Variants in MUC7 observed in about 807,000 individuals in gnomAD.
MUC7 encodes the protein mucin-7.
A neutral mutation model predicts 2.5 loss-of-function variants in MUC7; 2 were observed. The observed-to-expected ratio is 0.81, with a 90% CI of 0.33 to 2.55. MUC7 has a LOEUF of 2.55. Ranked by LOEUF, MUC7 falls within the 30% of genes most tolerant of loss-of-function variation. MUC7 has a pLI of 0.11. For missense variants in MUC7, 408 were observed against 455.6 expected (o/e 0.90, Z 0.95); for synonymous variants, 133 against 173.4 (o/e 0.77, Z 1.83).
intron 1 of MUC7, among the ~76,000 whole-genome samples, chr4:70,434,705 A>AC (rs1733780955): frequency 1.3e-5 from 2 of 151,690 alleles, no homozygotes. Context: ...TTGTGTCTCT[A>AC]CCCCCTTCAG....
chr4:70,443,716 C>T (rs1382509784), intron 1 of MUC7, among the ~76,000 whole-genome samples: 1 of 151,982 alleles, frequency 6.6e-6, no homozygotes, highest in Non-Finnish European at 1.5e-5. Flanking sequence ...ACAACCTACC[C>T]ACTCAAAAAC....
At chr4:70,449,080 T>A (rs912828392) in intron 1 of MUC7, among the ~76,000 whole-genome samples, 7 of 152,148 alleles carry the variant, frequency 4.6e-5, no homozygotes, top group Non-Finnish European at 1.0e-4. Flanking sequence ...TTCTTGTGAG[T>A]CTTTGTCTGG....
chr4:70,482,910 A>AT lies in MUC7; in HGVS notation c.*1037dup. 6.6e-6 allele frequency: 1 copy of AT among 152,384 alleles called. No homozygotes were observed. The allele number at this position is 152,384 out of a possible 1,614,324, so 9.4% of individuals were successfully genotyped here. On this transcript the variant is annotated 3_prime_UTR_variant, in exon 3 of 3. Transcript: ENST00000304887. The stretch of plus-strand genomic sequence containing the variant: ...AGATGTTAATTTGGGATATGGAGGC[A>AT]TTTTTATCTTCTGTCACTACTACTT...
intron 2 of MUC7, among the ~76,000 whole-genome samples, chr4:70,480,523 A>G (rs1735133229): frequency 1.3e-5 from 2 of 152,226 alleles, no homozygotes; most frequent in African/African-American, 4.8e-5. Context: ...TGTAAGCACA[A>G]AAGTTCGTAT....
rs1037415689 is a variant in MUC7, at chr4:70,481,447, A to T, written c.703A>T (p.Thr235Ser). The change falls in exon 3 of 3, where the codon ACA becomes TCA. Residue 235 changes from threonine to serine, a missense_variant. Thr to Ser is a moderately conservative substitution (Grantham distance 58). This residue lies in a region of MUC7 where 175 missense variants were observed against 187.1 expected (regional missense o/e 0.94). Coordinates refer to ENST00000304887, the MANE Select transcript of MUC7 (RefSeq NM_152291.3). The stretch of plus-strand genomic sequence containing the variant: ...ATCTTCCTCAGCTCCACCAGAGACC[A>T]CAGCTGCCCCACCCACACCTTCTGC... ...PPSSSAPPET[T>S]AAPPTPSATT... is the part of the protein sequence containing the mutation. The T allele has an allele frequency of 1.5e-5, 22 of 1,509,294 alleles. No homozygotes were observed. The highest frequency in any genetic ancestry group is 2.0e-5 in the Non-Finnish European group (22 of 1,125,982). 93.5% of individuals were successfully genotyped at this position (1,509,294 alleles called of 1,614,324 possible). A position where few individuals can be genotyped will look rare whatever the true frequency, so the allele number is the denominator to read the frequency against.
In MUC7 at chr4:70,465,031, G is replaced by A. The variant is rs370621112; in HGVS notation, c.-92-7184G>A. Among the ~76,000 whole-genome samples the A allele has an allele frequency of 1.8e-3, 272 of 152,316 alleles. 1 individual carries two copies. The highest frequency in any genetic ancestry group is 6.2e-3 in the African/African-American group (256 of 41,578). On this transcript the variant is annotated intron_variant, in intron 1 of 3. Transcript: ENST00000413702. ...TGGCATCTGGCAAGTGCCCCTCTGG[G>A]ATGAAGCTTCCAGATGAAGCAACAG...
At chr4:70,455,078 A>T (rs1734380277) in intron 1 of MUC7, among the ~76,000 whole-genome samples, 1 of 150,988 alleles carries the variant, frequency 6.6e-6, no homozygotes, top group Admixed American at 6.6e-5. Context: ...CTTTGGAGAT[A>T]TTTTTTTTTC....
At chr4:70,469,694 A>C (rs970121917), upstream of MUC7, among the ~76,000 whole-genome samples, 1 of 152,246 alleles carries the variant, frequency 6.6e-6, no homozygotes, top group South Asian at 2.1e-4. Flanking sequence ...AATGCAAATC[A>C]AAACTACAAT....
At chr4:70,475,262 G>A (rs1272611418) in intron 2 of MUC7, among the ~76,000 whole-genome samples, 1 of 152,002 alleles carries the variant, frequency 6.6e-6, no homozygotes, top group Non-Finnish European at 1.5e-5. Flanking sequence ...CTGGGTGACA[G>A]AGCAAGATTT....
chr4:70,453,069 G>A (rs1212982325), intron 1 of MUC7, among the ~76,000 whole-genome samples: 2 of 152,184 alleles, frequency 1.3e-5, no homozygotes, highest in Non-Finnish European at 2.9e-5. Context: ...ATGTATTAGA[G>A]CTCCACTGTA....
intron 1 of MUC7, among the ~76,000 whole-genome samples, chr4:70,432,596 T>C (rs922133336): frequency 1.1e-4 from 16 of 152,228 alleles, no homozygotes; most frequent in Non-Finnish European, 2.9e-5. Flanking sequence ...ATGGGGTTTT[T>C]TTCTTGTAAA....
chr4:70,440,902 G>GT (rs1733987457), intron 1 of MUC7, among the ~76,000 whole-genome samples: 1 of 152,124 alleles, frequency 6.6e-6, no homozygotes, highest in South Asian at 2.1e-4. Flanking sequence ...GAAACATAAG[G>GT]CATGCTAAAC....
intron 1 of MUC7, among the ~76,000 whole-genome samples, chr4:70,444,863 C>T (rs1026452963): frequency 6.6e-6 from 1 of 151,986 alleles, no homozygotes; most frequent in Non-Finnish European, 1.5e-5. Context: ...ACCAGCCTGG[C>T]CAACATGGTG....
intron 1 of MUC7, among the ~76,000 whole-genome samples, chr4:70,456,454 A>C (rs1260573421): frequency 1.3e-5 from 2 of 152,166 alleles, no homozygotes; most frequent in Non-Finnish European, 2.9e-5. Context: ...TAATTGACTC[A>C]TGGTTCTGCA....
intron 1 of MUC7, among the ~76,000 whole-genome samples, chr4:70,433,633 A>G (rs1733741870): frequency 6.6e-6 from 1 of 152,150 alleles, no homozygotes; most frequent in African/African-American, 2.4e-5. Context: ...GGGCTGAGAC[A>G]ATGTGTTTTC....
chr4:70,461,553 C>A (rs939054771), intron 1 of MUC7, among the ~76,000 whole-genome samples: 4 of 152,138 alleles, frequency 2.6e-5, no homozygotes, highest in African/African-American at 9.7e-5. Flanking sequence ...CTTTCCCTGC[C>A]CTTTAAGTCT....
intron 1 of MUC7, among the ~76,000 whole-genome samples, chr4:70,434,389 A>G (rs1733769007): frequency 1.3e-5 from 2 of 152,262 alleles, no homozygotes; most frequent in South Asian, 4.1e-4. Context: ...TATTGCCTCA[A>G]TTTCAGAACT....
Position 70,481,866 on chromosome 4 carries a change from G to T in MUC7, c.1122G>T (p.Met374Ile). The T allele has an allele frequency of 6.2e-7, 1 of 1,613,690 alleles. No individual in the cohort carries two copies. Among genetic ancestry groups the T allele is most frequent in the Non-Finnish European group, 8.5e-7 (1 of 1,179,850 alleles). Residue 374 changes from methionine to isoleucine, a missense_variant, in exon 3 of 3, where the codon ATG (methionine) becomes ATT (isoleucine). Transcript: ENST00000304887. The stretch of plus-strand genomic sequence containing the variant: ...TACTAAACAGAATTATTGACGACAT[G>T]GTGGAGCAATAGTATATTGTATGTT... ...KNLLNRIIDD[M>I]VEQ
At chr4:70,456,129 A>G (rs1035121912) in intron 1 of MUC7, among the ~76,000 whole-genome samples, 6 of 152,042 alleles carry the variant, frequency 3.9e-5, no homozygotes, top group Admixed American at 1.3e-4. Flanking sequence ...GACTCTTCCA[A>G]TCGCTGCCTG....
Sources: gnomAD v4.1 joint callset for allele counts (sites outside exome capture counted in the v4.1 genomes callset) on GRCh38, gnomAD v4.1.1 for gene constraint, gnomAD v4.1.1 regional missense constraint, MANE v1.5 for transcripts, NCBI Gene and HGNC (gene_info 2026-07-23, HGNC 2026-07-21) for gene names.